The following OLAH variants were observed in gnomAD, a reference collection of about 807,000 sequenced individuals.
OLAH encodes the protein S-acyl fatty acid synthase thioesterase, medium chain.
OLAH carries 33 observed loss-of-function variants against 27.8 expected under a neutral mutation model. The ratio of observed to expected loss-of-function variants is 1.19; its 90% CI spans 0.90 to 1.59. OLAH has a LOEUF of 1.59. Among genes scored for constraint, OLAH ranks in the 40% most tolerant of loss-of-function variants. The probability of loss-of-function intolerance (pLI) is 0.00; values close to 1 mark genes in which losing one functional copy is unlikely to be tolerated. For missense variants in OLAH, 359 were observed against 310.8 expected (o/e 1.16, Z -1.17); for synonymous variants, 120 against 102.9 (o/e 1.17, Z -1.01).
chr10:15,032,712 T>C (rs1843778777), intron 1 of OLAH, among the ~76,000 whole-genome samples: 1 of 151,820 alleles, frequency 6.6e-6, no homozygotes, highest in Admixed American at 6.6e-5. Context: ...TCACTAGCGG[T>C]TTATTCTTGG....
intron 2 of OLAH, among the ~76,000 whole-genome samples, chr10:15,047,908 C>T (rs961091538): frequency 1.3e-5 from 2 of 152,076 alleles, no homozygotes; most frequent in African/African-American, 2.4e-5. Flanking sequence ...GTACCCTTTA[C>T]AGAACACAAG....
chr10:15,064,870 TG>T (rs945269123), intron 5 of OLAH, among the ~76,000 whole-genome samples: 2 of 152,186 alleles, frequency 1.3e-5, no homozygotes, highest in Non-Finnish European at 2.9e-5. Flanking sequence ...TTGGCCAGGC[TG>T]GTCTTGAACT....
At chr10:15,043,522 G>A (rs977627838), upstream of OLAH, among the ~76,000 whole-genome samples, 1 of 145,822 alleles carries the variant, frequency 6.9e-6, no homozygotes, top group Non-Finnish European at 1.5e-5. Context: ...TTGTTGCCCT[G>A]GAGTGCAGTG....
At chr10:15,068,615 G>A (rs934893525) in intron 6 of OLAH, among the ~76,000 whole-genome samples, 2 of 152,010 alleles carry the variant, frequency 1.3e-5, no homozygotes, top group Non-Finnish European at 2.9e-5. Context: ...GCCTGGTCTC[G>A]AACTCCTGAC....
chr10:15,035,280 T>G (rs1305132242), intron 1 of OLAH, among the ~76,000 whole-genome samples: 1 of 152,192 alleles, frequency 6.6e-6, no homozygotes. Flanking sequence ...CAAACAGCAC[T>G]GTATTCGGCT....
rs563306600 is a variant in OLAH at position 15,072,608 on chromosome 10, G to C, written c.656-479G>C. ...GAGTATATATTGGTTTTAGGGTGAG[G>C]GGCTTATTACAAGCTTGGAATGTTT... On this transcript the variant is annotated intron_variant, in intron 7 of 7. Transcript: ENST00000378228. Among the ~76,000 whole-genome samples the C allele has an allele frequency of 1.4e-4, 21 of 152,166 alleles. 1 individual carries two copies. The highest frequency in any genetic ancestry group is 8.3e-4 in the South Asian group (4 of 4,812).
intron 6 of OLAH, among the ~76,000 whole-genome samples, chr10:15,069,231 T>A (rs561754371): frequency 3.1e-4 from 47 of 152,308 alleles, no homozygotes; most frequent in Non-Finnish European, 5.7e-4. Flanking sequence ...CTATCTGTGG[T>A]TGCCTTGGTG....
chr10:15,067,354 C>G (rs1472255327), intron 6 of OLAH, among the ~76,000 whole-genome samples: 2 of 150,872 alleles, frequency 1.3e-5, no homozygotes, highest in Middle Eastern at 3.4e-3. Flanking sequence ...CTTTAACGGT[C>G]TGTGTCTCAT....
intron 3 of OLAH, among the ~76,000 whole-genome samples, chr10:15,051,146 G>A (rs918419246): frequency 2.0e-5 from 3 of 148,096 alleles, no homozygotes; most frequent in Non-Finnish European, 4.4e-5. Context: ...CATGATCTTG[G>A]CTCACTGCAA....
At chr10:15,048,969 G>A (rs904372482) in intron 2 of OLAH, among the ~76,000 whole-genome samples, 1 of 152,048 alleles carries the variant, frequency 6.6e-6, no homozygotes, top group Non-Finnish European at 1.5e-5. Context: ...TTGACATGGT[G>A]GCACTTGCCT....
chr10:15,071,988 C>T (rs1844597544), intron 7 of OLAH, 111 bp downstream of exon 7: 1 of 708,484 alleles, frequency 1.4e-6, no homozygotes, highest in Middle Eastern at 4.1e-4. Flanking sequence ...GGCTGGAGTG[C>T]AATGGCGCAA....
chr10:15,065,225 G>C (rs1844444368), intron 5 of OLAH, among the ~76,000 whole-genome samples: 1 of 152,046 alleles, frequency 6.6e-6, no homozygotes, highest in Non-Finnish European at 1.5e-5. Context: ...TGTTAAAAGG[G>C]GACAGTGATG....
upstream of OLAH, among the ~76,000 whole-genome samples, chr10:15,039,527 A>G (rs1042256393): frequency 2.6e-5 from 4 of 152,198 alleles, no homozygotes; most frequent in Non-Finnish European, 4.4e-5. Flanking sequence ...CAGTGAGCCG[A>G]GATTGTGCCA....
chr10:15,046,323 T>TATAAATAA (rs113256684), intron 1 of OLAH, among the ~76,000 whole-genome samples: 4,912 of 149,110 alleles, frequency 0.033, 198 homozygotes, highest in African/African-American at 0.095. Flanking sequence ...CTCAAAAAAA[T>TATAAATAA]ATAAATAAAT....
intron 6 of OLAH, among the ~76,000 whole-genome samples, chr10:15,069,327 G>A (rs964587597): frequency 2.6e-5 from 4 of 152,146 alleles, no homozygotes; most frequent in South Asian, 4.1e-4. Context: ...CAGGGGTAGA[G>A]GGCTTATGCT....
chr10:15,064,642 G>T (rs1328935009), intron 5 of OLAH, 140 bp downstream of exon 5: 9 of 559,248 alleles, frequency 1.6e-5, no homozygotes, highest in African/African-American at 1.2e-4. Context: ...TGGTGCAAAA[G>T]CCATTGAGGT....
intron 1 of OLAH, among the ~76,000 whole-genome samples, chr10:15,044,338 T>C (rs190650647): frequency 1.3e-5 from 2 of 152,292 alleles, no homozygotes; most frequent in Non-Finnish European, 2.9e-5. Flanking sequence ...TGCATATTTA[T>C]ACAGTCTAAA....
intron 4 of OLAH, among the ~76,000 whole-genome samples, chr10:15,063,590 A>G (rs1844409815): frequency 6.6e-6 from 1 of 152,204 alleles, no homozygotes; most frequent in South Asian, 2.1e-4. Flanking sequence ...TATTTACATA[A>G]TATCAACATT....
chr10:15,050,353 C>T (rs1229482321), intron 3 of OLAH, among the ~76,000 whole-genome samples: 2 of 151,998 alleles, frequency 1.3e-5, no homozygotes, highest in African/African-American at 4.8e-5. Flanking sequence ...CTGCAATCTC[C>T]ACCTCCCGGG....
Sources: gnomAD v4.1 joint callset for allele counts (sites outside exome capture counted in the v4.1 genomes callset) on GRCh38, gnomAD v4.1.1 for gene constraint, MANE v1.5 for transcripts, NCBI Gene and HGNC (gene_info 2026-07-23, HGNC 2026-07-21) for gene names.